CSMD1: variants seen among roughly 807,000 people sequenced by gnomAD.
CSMD1 encodes CUB and sushi domain-containing protein 1.
CSMD1 carries 213 observed loss-of-function variants against 417.5 expected under a neutral mutation model. The observed-to-expected ratio is 0.51, with a 90% CI of 0.46 to 0.57. The LOEUF (loss-of-function observed/expected upper bound fraction) is 0.57. Ranked by LOEUF, CSMD1 falls within the 20% of genes least tolerant of loss-of-function variation. CSMD1 has a pLI of 0.00. For synonymous variants in CSMD1, 2,862 were observed against 1,736.8 expected (o/e 1.65, Z -16.11); for missense variants, 6,923 against 4,529.7 (o/e 1.53, Z -15.17).
chr8:3,727,179 A>G (rs957531479), intron 6 of CSMD1, among the ~76,000 whole-genome samples: 1 of 152,358 alleles, frequency 6.6e-6, no homozygotes, highest in African/African-American at 2.4e-5. Flanking sequence ...TACTTAGAGC[A>G]ATGTGAATGT....
intron 26 of CSMD1, among the ~76,000 whole-genome samples, chr8:3,266,855 G>A (rs1801470084): frequency 6.6e-6 from 1 of 151,504 alleles, no homozygotes; most frequent in South Asian, 2.1e-4. Flanking sequence ...AGTGACAAGA[G>A]CAGTAATCAC....
intron 3 of CSMD1, among the ~76,000 whole-genome samples, chr8:4,370,392 C>G (rs1802327980): frequency 6.6e-6 from 1 of 152,000 alleles, no homozygotes; most frequent in South Asian, 2.1e-4. Flanking sequence ...TCTCACAGAC[C>G]TTGGAAAATC....
intron 1 of CSMD1, among the ~76,000 whole-genome samples, chr8:4,765,751 A>T (rs950309795): frequency 6.6e-6 from 1 of 152,192 alleles, no homozygotes; most frequent in African/African-American, 2.4e-5. Flanking sequence ...GTTGGGGTTT[A>T]AATTATTGGG....
intron 2 of CSMD1, among the ~76,000 whole-genome samples, chr8:4,589,331 T>C (rs1799873104): frequency 1.3e-5 from 2 of 152,252 alleles, no homozygotes; most frequent in Admixed American, 6.5e-5. Flanking sequence ...TAGCCATGTT[T>C]TTTCTGCCTA....
chr8:4,373,727 C>T (rs906034743), intron 3 of CSMD1, among the ~76,000 whole-genome samples: 35 of 152,190 alleles, frequency 2.3e-4, no homozygotes, highest in African/African-American at 6.5e-4. Context: ...TCTTTCCCTC[C>T]GGGGAAGGAA....
chr8:4,362,314 T>C (rs1383295634), intron 3 of CSMD1, among the ~76,000 whole-genome samples: 1 of 152,106 alleles, frequency 6.6e-6, no homozygotes. Flanking sequence ...TCCTTGGCCC[T>C]GGGGTTGTAA....
chr8:3,956,715 T>G (rs540172630), intron 5 of CSMD1, among the ~76,000 whole-genome samples: 10 of 152,130 alleles, frequency 6.6e-5, no homozygotes, highest in Non-Finnish European at 1.3e-4. Flanking sequence ...AACCCTACTC[T>G]AAGGAAGTTC....
At position 3,838,876 on chromosome 8, in the gene CSMD1, A is replaced by C. The variant is rs1257264957; in HGVS notation, c.819-84834T>G. Among the ~76,000 whole-genome samples the C allele has an allele frequency of 8.4e-5, 9 of 107,738 alleles. No individual in the cohort carries two copies. The South Asian group carries it at 1.8e-3, about 22-fold the overall frequency. 70.7% of individuals were successfully genotyped at this position (107,738 alleles called of 152,430 possible). Reference sequence around the variant, plus strand: ...TTATATATACTATTAATTATATATAATATTAATTATAATATATAATAATAT... The same window carrying C: ...TTATATATACTATTAATTATATATACTATTAATTATAATATATAATAATAT... On this transcript the variant is annotated intron_variant, in intron 5 of 69. Transcript: ENST00000635120.
At chr8:2,971,350 C>G (rs999358828) in intron 57 of CSMD1, among the ~76,000 whole-genome samples, 2 of 152,130 alleles carry the variant, frequency 1.3e-5, no homozygotes, top group African/African-American at 4.8e-5. Context: ...CTTATCGGGT[C>G]TCTTAAATCT....
intron 41 of CSMD1, among the ~76,000 whole-genome samples, chr8:3,133,394 C>T (rs11994539): frequency 0.014 from 2,097 of 152,290 alleles, 58 homozygotes; most frequent in African/African-American, 0.049. Context: ...CTCAGTCTCT[C>T]CTGAAAGAGC....
At position 3,702,294 on chromosome 8, in the gene CSMD1, A is replaced by C. The variant is rs536938629; in HGVS notation, c.1009+6120T>G. On this transcript the variant is annotated intron_variant, in intron 7 of 69. Coordinates refer to ENST00000635120, the MANE Select transcript of CSMD1 (RefSeq NM_033225.6). ...CATCTGAGTGAGCTACAACAAATCA[A>C]TATCGAATTGGGCAAGTCATTTGTC... The C allele has an allele frequency of 1.2e-4, 18 of 152,314 alleles. No individual in the cohort carries two copies. In the East Asian group the frequency reaches 3.3e-3, roughly 28 times the overall value. 9.4% of individuals were successfully genotyped at this position (152,314 alleles called of 1,614,324 possible).
intron 1 of CSMD1, among the ~76,000 whole-genome samples, chr8:4,721,551 A>G (rs922412286): frequency 6.6e-6 from 1 of 152,222 alleles, no homozygotes; most frequent in Non-Finnish European, 1.5e-5. Context: ...TATCAAAACA[A>G]TGAAAGATAA....
At position 3,497,956 on chromosome 8, in the gene CSMD1, C is replaced by G. The variant is rs1178704553; in HGVS notation, c.1345-4230G>C. On this transcript the variant is annotated intron_variant, in intron 10 of 69. Transcript: ENST00000635120. Reference sequence around the variant, plus strand: ...CCCTTTCACTTTCAGATGAAGGGCTCCCATAAGCATTTCTTGTAGGACCAT... The same window carrying G: ...CCCTTTCACTTTCAGATGAAGGGCTGCCATAAGCATTTCTTGTAGGACCAT... Among the ~76,000 whole-genome samples, 4 of 152,262 alleles carry G rather than the reference C, an allele frequency of 2.6e-5. No homozygotes were observed. In the East Asian group the frequency reaches 5.8e-4, roughly 22 times the overall value.
chr8:3,930,422 T>A (rs1323029065), intron 5 of CSMD1, among the ~76,000 whole-genome samples: 1 of 150,726 alleles, frequency 6.6e-6, no homozygotes, highest in African/African-American at 2.4e-5. Context: ...AAGCAAGCAT[T>A]AGGTCAAAGC....
Position 3,367,181 on chromosome 8 carries a change from T to C in CSMD1, c.2966A>G (p.Asp989Gly). Reference sequence around the variant, plus strand: ...GGCAACGGGCTCGGAAAAACTTCCATCCTCTGTGATCAGTAAATAGTCGTG... The same window carrying C: ...GGCAACGGGCTCGGAAAAACTTCCACCCTCTGTGATCAGTAAATAGTCGTG... ...SSHDYLLITE[D>G]GSFSEPVARL... Residue 989 changes from aspartate to glycine, a missense_variant, in exon 20 of 70, where the codon GAT (aspartate) becomes GGT (glycine). Physicochemically the swap from Asp to Gly is moderately conservative, Grantham distance 94. Transcript: ENST00000635120. 3 of 1,613,444 alleles carry C rather than the reference T, an allele frequency of 1.9e-6. No individual in the cohort carries two copies. Among genetic ancestry groups the C allele is most frequent in the East Asian group, 2.2e-5 (1 of 44,818 alleles).
At chr8:4,262,171 A>C (rs1803932960) in intron 3 of CSMD1, among the ~76,000 whole-genome samples, 1 of 152,120 alleles carries the variant, frequency 6.6e-6, no homozygotes. Flanking sequence ...ATTCAGAGTC[A>C]TTTGCTTTTG....
intron 1 of CSMD1, among the ~76,000 whole-genome samples, chr8:4,855,915 G>T (rs1484867515): frequency 2.0e-5 from 3 of 149,348 alleles, no homozygotes; most frequent in Non-Finnish European, 4.5e-5. Flanking sequence ...TACAGAGAAC[G>T]CCACAAAGAT....
chr8:3,989,008 T>C (rs1271750832), intron 5 of CSMD1, among the ~76,000 whole-genome samples: 2 of 151,432 alleles, frequency 1.3e-5, no homozygotes, highest in East Asian at 1.9e-4. Flanking sequence ...GTAAAAACCA[T>C]TGTTCAAAAC....
chr8:3,185,557 T>A (rs1002793409), intron 36 of CSMD1, among the ~76,000 whole-genome samples: 2 of 152,196 alleles, frequency 1.3e-5, no homozygotes, highest in East Asian at 1.9e-4. Flanking sequence ...TTTTGAAAAA[T>A]TAACCTATTT....
Sources: allele counts gnomAD v4.1 joint callset (sites outside exome capture counted in the v4.1 genomes callset), GRCh38; gene constraint gnomAD v4.1.1; transcripts MANE v1.5; gene names NCBI Gene and HGNC (gene_info 2026-07-23, HGNC 2026-07-21).